The following C2CD5 variants were observed in gnomAD, a reference collection of about 807,000 sequenced individuals.
C2CD5 encodes C2 domain-containing protein 5.
In C2CD5, 109 loss-of-function variants were observed where a neutral mutation model predicts 130.3. That is an observed-to-expected ratio of 0.84 (90% confidence interval 0.72 to 0.98). The LOEUF is 0.98. Among genes scored for constraint, C2CD5 ranks in the 50% least tolerant of loss-of-function variants. The pLI is 0.00. For missense variants in C2CD5, 996 were observed against 1,261.8 expected (o/e 0.79, Z 3.19); for synonymous variants, 454 against 429.2 (o/e 1.06, Z -0.71).
In C2CD5 at chr12:22,469,743, A is replaced by G; in HGVS notation, c.2499T>C (p.Asp833=). The G allele has an allele frequency of 1.9e-6, 3 of 1,606,468 alleles. No homozygotes were observed. The South Asian group carries it at 3.3e-5, about 18-fold the overall frequency. Residue 833 remains aspartate (D), a synonymous_variant, in exon 22 of 27, where the codon GAT becomes GAC. Coordinates refer to ENST00000446597, the MANE Select transcript of C2CD5 (RefSeq NM_001286176.2). ...GTGGAAAAGGATGAGAAGGAAGTGA[A>G]TCTGAACACAGTTCCAGTGGAAATT... ...LLQFPLELCS[D]SLPSHPFPPA...
At chr12:22,514,265 G>A (rs1450161988) in intron 8 of C2CD5, among the ~76,000 whole-genome samples, 2 of 152,074 alleles carry the variant, frequency 1.3e-5, no homozygotes, top group African/African-American at 2.4e-5. Flanking sequence ...ACTTAAAAAG[G>A]AACTAATTAA....
chr12:22,542,060 A>C (rs1952442869), intron 2 of C2CD5, among the ~76,000 whole-genome samples: 1 of 152,188 alleles, frequency 6.6e-6, no homozygotes, highest in African/African-American at 2.4e-5. Flanking sequence ...ATGTCCCACA[A>C]ATCTTTCTGT....
At chr12:22,480,124 C>T (rs1179984425) in intron 14 of C2CD5, among the ~76,000 whole-genome samples, 1 of 152,144 alleles carries the variant, frequency 6.6e-6, no homozygotes, top group Non-Finnish European at 1.5e-5. Flanking sequence ...CTTCTCTATG[C>T]CATATGAAGC....
intron 3 of C2CD5, among the ~76,000 whole-genome samples, chr12:22,530,583 A>T (rs1951184919): frequency 6.6e-6 from 1 of 151,406 alleles, no homozygotes. Context: ...TCGGCCTCCC[A>T]CATAGCTGGG....
intron 20 of C2CD5, 145 bp downstream of exon 20, chr12:22,471,254 C>T (rs1434930857): frequency 1.0e-5 from 6 of 602,010 alleles, no homozygotes; most frequent in Non-Finnish European, 1.5e-5. Context: ...ACACACATGG[C>T]CTAATGCATA....
At chr12:22,543,733 TGA>T (rs1338943207) in intron 2 of C2CD5, among the ~76,000 whole-genome samples, 2 of 152,030 alleles carry the variant, frequency 1.3e-5, no homozygotes, top group Admixed American at 1.3e-4. Flanking sequence ...TGTATGTGTG[TGA>T]GTGTGTCGGT....
intron 13 of C2CD5, chr12:22,484,459 A>C: frequency 2.7e-6 from 1 of 369,766 alleles, no homozygotes; most frequent in Non-Finnish European, 4.8e-6. Flanking sequence ...AATTCCCAAA[A>C]TGACAAATAT....
chr12:22,543,604 G>A (rs1952624544), intron 2 of C2CD5, among the ~76,000 whole-genome samples: 1 of 152,184 alleles, frequency 6.6e-6, no homozygotes, highest in African/African-American at 2.4e-5. Flanking sequence ...GTGTGTGTGT[G>A]CCTGTGTGTG....
intron 22 of C2CD5, among the ~76,000 whole-genome samples, chr12:22,465,604 T>C (rs1451320501): frequency 6.6e-6 from 1 of 152,076 alleles, no homozygotes; most frequent in Non-Finnish European, 1.5e-5. Context: ...TCGCTGATTT[T>C]TTTTACTCTT....
At chr12:22,476,828 G>A (rs1591760664) in intron 15 of C2CD5, among the ~76,000 whole-genome samples, 2 of 151,960 alleles carry the variant, frequency 1.3e-5, no homozygotes. Context: ...AATAATAAAT[G>A]AAGAATATAT....
chr12:22,535,329 T>G lies in C2CD5; in HGVS notation c.106A>C (p.Thr36Pro). ...DAFVEVKFGN[T>P]TFKTDVYLKS... ...AGGTACACATCTGTTTTAAAGGTGG[T>G]ATTACCAAATTTTACCTAAAAACAA... The change falls in exon 3 of 27, where the codon ACC becomes CCC. Residue 36 changes from threonine to proline, a missense_variant. Coordinates refer to ENST00000446597, the MANE Select transcript of C2CD5 (RefSeq NM_001286176.2). 6.3e-7 allele frequency: 1 copy of G among 1,575,788 alleles called. No homozygotes were observed. Among genetic ancestry groups the G allele is most frequent in the Non-Finnish European group, 8.7e-7 (1 of 1,146,230 alleles).
At chr12:22,510,911 A>G (rs962552741) in intron 9 of C2CD5, among the ~76,000 whole-genome samples, 7 of 152,192 alleles carry the variant, frequency 4.6e-5, no homozygotes. Context: ...TGGGAGGATC[A>G]CTTGAGCCCA....
At chr12:22,523,714 A>AG in intron 6 of C2CD5, 90 bp from the exon 7 acceptor site, 1 of 924,866 alleles carries the variant, frequency 1.1e-6, no homozygotes, top group Non-Finnish European at 1.6e-6. Flanking sequence ...AAAAAAAAAA[A>AG]GACCAAGAAA....
chr12:22,457,311 C>A (rs1940097518), intron 24 of C2CD5, 150 bp from the exon 25 acceptor site: 8 of 475,594 alleles, frequency 1.7e-5, no homozygotes, highest in Admixed American at 4.1e-5. Flanking sequence ...GCACTGCATG[C>A]AATTAAAAAA....
chr12:22,536,205 T>C (rs1951803155), intron 2 of C2CD5, among the ~76,000 whole-genome samples: 1 of 151,880 alleles, frequency 6.6e-6, no homozygotes, highest in African/African-American at 2.4e-5. Context: ...ACATTATTTC[T>C]AGAAGTATAT....
In C2CD5 at chr12:22,478,131, T is replaced by C. The variant is rs983549568; in HGVS notation, c.1902+182A>G. ...ATGAAGTCACAATTTTTAAATAGGA[T>C]CGTTAGAGTAGGCTTACCCGAAAAG... On this transcript the variant is annotated intron_variant, in intron 15 of 26. Coordinates refer to ENST00000446597, the MANE Select transcript of C2CD5 (RefSeq NM_001286176.2). 7.0e-6 allele frequency: 4 copies of C among 573,372 alleles called. No individual in the cohort carries two copies. In the African/African-American group the frequency reaches 7.6e-5, roughly 11 times the overall value. The allele number at this position is 573,372 out of a possible 1,614,324, so 35.5% of individuals were successfully genotyped here. A position where few individuals can be genotyped will look rare whatever the true frequency, so the allele number is the denominator to read the frequency against.
chr12:22,491,412 A>G (rs1321132875), intron 11 of C2CD5, among the ~76,000 whole-genome samples: 1 of 151,960 alleles, frequency 6.6e-6, no homozygotes, highest in Non-Finnish European at 1.5e-5. Context: ...TCATCCCCCA[A>G]AATCCAACTC....
At chr12:22,455,866 G>C (rs1939746413) in intron 25 of C2CD5, among the ~76,000 whole-genome samples, 1 of 152,052 alleles carries the variant, frequency 6.6e-6, no homozygotes, top group Non-Finnish European at 1.5e-5. Context: ...TGTATTTATA[G>C]TAGAGAAGGG....
intron 9 of C2CD5, among the ~76,000 whole-genome samples, chr12:22,508,650 G>C (rs1253908824): frequency 2.6e-5 from 4 of 152,176 alleles, no homozygotes; most frequent in African/African-American, 7.2e-5. Flanking sequence ...TGGGAAAACA[G>C]TTCGGTAATC....
Sources: allele counts gnomAD v4.1 joint callset (sites outside exome capture counted in the v4.1 genomes callset), GRCh38; gene constraint gnomAD v4.1.1; transcripts MANE v1.5; gene names NCBI Gene and HGNC (gene_info 2026-07-23, HGNC 2026-07-21).